SCARB1: variants seen among roughly 807,000 people sequenced by gnomAD.
The protein encoded by SCARB1 is scavenger receptor class B member 1.
SCARB1 carries 30 observed loss-of-function variants against 57.2 expected under a neutral mutation model. That is an observed-to-expected ratio of 0.52 (90% CI 0.39 to 0.71). The LOEUF is 0.71. Ranked by LOEUF, SCARB1 falls within the 30% of genes least tolerant of loss-of-function variation. The pLI, the probability that SCARB1 is intolerant of heterozygous loss-of-function variation, is 0.00. For missense variants in SCARB1, 543 were observed against 671.2 expected, an observed-to-expected ratio of 0.81 and a Z score of 2.11; for synonymous variants, 249 against 268.3, an observed-to-expected ratio of 0.93 and a Z score of 0.70.
intron 1 of SCARB1, among the ~76,000 whole-genome samples, chr12:124,852,554 C>A (rs977622546): frequency 6.6e-6 from 1 of 152,248 alleles, no homozygotes; most frequent in Non-Finnish European, 1.5e-5. Flanking sequence ...AGGACCCCCA[C>A]TGGGGCCTCT....
chr12:124,807,206 AAAT>A lies in SCARB1; in HGVS notation c.1009+552_1009+554del, dbSNP rs1950352953. Among the ~76,000 whole-genome samples the A allele has an allele frequency of 1.3e-5, 2 of 152,278 alleles. No individual in the cohort carries two copies. The highest frequency in any genetic ancestry group is 1.3e-4 in the Admixed American group (2 of 15,284). Reference sequence around the variant, plus strand: ...ACAGAGTGAGAGTCTGTCTCAAAAAAAATAATAATAAACAAGATGGGGAGATTG... The same window carrying A: ...ACAGAGTGAGAGTCTGTCTCAAAAAAAATAATAAACAAGATGGGGAGATTG... On this transcript the variant is annotated intron_variant, in intron 7 of 12. Coordinates refer to ENST00000261693, the MANE Select transcript of SCARB1 (RefSeq NM_005505.5). This position sits in a 1 kb window ranked among gnomAD's most constrained non-coding sequence, Gnocchi z 5.3.
In SCARB1 at chr12:124,810,529, T is replaced by G. The variant is rs60910935; in HGVS notation, c.727-240A>C. ...GGACTCAGTTCTTTCATCTGCAAAA[T>G]AGGCCTATCACCCACATTTCCAGCC... On this transcript the variant is annotated intron_variant, in intron 5 of 12. Coordinates refer to ENST00000261693, the MANE Select transcript of SCARB1 (RefSeq NM_005505.5). This position sits in a 1 kb window ranked among gnomAD's most constrained non-coding sequence, Gnocchi z 4.0. 2.6e-5 allele frequency among the ~76,000 whole-genome samples: 4 copies of G among 152,214 alleles called. No homozygotes were observed. The highest frequency in any genetic ancestry group is 6.5e-5 in the Admixed American group (1 of 15,286).
intron 1 of SCARB1, among the ~76,000 whole-genome samples, chr12:124,820,452 C>T (rs1435377121): frequency 6.6e-6 from 1 of 151,978 alleles, no homozygotes; most frequent in Non-Finnish European, 1.5e-5. Flanking sequence ...GTAACGCCCT[C>T]CCCACCCCAT....
chr12:124,798,668 C>T (rs4765609), intron 8 of SCARB1, among the ~76,000 whole-genome samples: 2,218 of 151,146 alleles, frequency 0.015, 24 homozygotes, highest in Admixed American at 0.024. Flanking sequence ...CGTGGCAAAA[C>T]CCTGTGTCTA....
rs190434822 is a variant in SCARB1, at chr12:124,806,571, C to T, written c.1009+1190G>A. 1.9e-3 allele frequency among the ~76,000 whole-genome samples: 285 copies of T among 152,256 alleles called. 1 individual carries two copies. The highest frequency in any genetic ancestry group is 5.8e-3 in the African/African-American group (242 of 41,542). ...TATGTCAGGTCACAGGGTAAACGGG[C>T]GCTGGGCCTGCTCAGCAGCTGCCTT... On this transcript the variant is annotated intron_variant, in intron 7 of 12. Coordinates refer to ENST00000261693, the MANE Select transcript of SCARB1 (RefSeq NM_005505.5).
intron 1 of SCARB1, among the ~76,000 whole-genome samples, chr12:124,830,107 T>A (rs1951327904): frequency 6.6e-6 from 1 of 152,146 alleles, no homozygotes; most frequent in Non-Finnish European, 1.5e-5. Context: ...CAGCCCTGGG[T>A]GGCTTAGTCA....
In SCARB1 at chr12:124,778,292, C is replaced by A. The variant is rs972475271; in HGVS notation, c.*295G>T. On this transcript the variant is annotated 3_prime_UTR_variant, in exon 13 of 13. Coordinates refer to ENST00000261693, the MANE Select transcript of SCARB1 (RefSeq NM_005505.5). ...AGGACCCACAGCCCCTGTGGTCAGG[C>A]CTGTGGGCCACGTGGAGAGAAGGTT... 1.4e-5 allele frequency: 8 copies of A among 576,548 alleles called. No individual in the cohort carries two copies. In the Admixed American group the frequency reaches 3.5e-4, roughly 25 times the overall value. The allele number at this position is 576,548 out of a possible 1,614,324, so 35.7% of individuals were successfully genotyped here.
At chr12:124,825,265 CCACTT>C (rs1157570158) in intron 1 of SCARB1, among the ~76,000 whole-genome samples, 3 of 151,634 alleles carry the variant, frequency 2.0e-5, no homozygotes, top group Non-Finnish European at 4.4e-5. Flanking sequence ...CCCACCCACC[CCACTT>C]ATTTCACAAC....
At chr12:124,785,910 T>C in intron 11 of SCARB1, 2 of 699,446 alleles carry the variant, frequency 2.9e-6, no homozygotes, top group Non-Finnish European at 4.6e-6. Context: ...AGTGAAATTA[T>C]CTTTTCTGCT....
At position 124,778,369 on chromosome 12, in the gene SCARB1, G is replaced by T. The variant is rs1872708156; in HGVS notation, c.*218C>A. ...CTCCCTACAAGTCCCTTCAGCAGCA[G>T]CTCCATCCCTGAGTGTCTGCACAAG... On this transcript the variant is annotated 3_prime_UTR_variant, in exon 13 of 13. Coordinates refer to ENST00000261693, the MANE Select transcript of SCARB1 (RefSeq NM_005505.5). The T allele has an allele frequency of 1.7e-6, 2 of 1,159,816 alleles. No individual in the cohort carries two copies. Among genetic ancestry groups the T allele is most frequent in the Non-Finnish European group, 2.2e-6 (2 of 916,760 alleles). The allele number at this position is 1,159,816 out of a possible 1,614,324, so 71.8% of individuals were successfully genotyped here.
At chr12:124,819,894 G>A (rs1207736731) in intron 1 of SCARB1, among the ~76,000 whole-genome samples, 1 of 152,236 alleles carries the variant, frequency 6.6e-6, no homozygotes, top group Non-Finnish European at 1.5e-5. Flanking sequence ...TTTCTCATCT[G>A]TACGAAGGAG....
chr12:124,786,384 G>A lies in SCARB1; in HGVS notation c.1374C>T (p.Val458=). The A allele has an allele frequency of 6.2e-7, 1 of 1,614,120 alleles. No individual in the cohort carries two copies. Among genetic ancestry groups the A allele is most frequent in the Non-Finnish European group, 8.5e-7 (1 of 1,180,050 alleles). Residue 458 remains valine, a synonymous_variant, in exon 11 of 13, where the codon GTC becomes GTT. Transcript: ENST00000261693. Reference sequence around the variant, plus strand: ...GGCTCCGGATTTGGCAGATGACAGGGACCAGCAGCAGGACGCAGCCCAGCG... The same window carrying A: ...GGCTCCGGATTTGGCAGATGACAGGAACCAGCAGCAGGACGCAGCCCAGCG... ...LLALGCVLLL[V]PVICQIRSQE... is the part of the protein sequence containing the mutation.
chr12:124,854,137 G>A (rs140191975), intron 1 of SCARB1, among the ~76,000 whole-genome samples: 18 of 152,330 alleles, frequency 1.2e-4, no homozygotes, highest in Non-Finnish European at 1.9e-4. Flanking sequence ...TAAGCAGAGC[G>A]GGTAAGGAGG....
At chr12:124,847,354 C>T (rs548949337) in intron 1 of SCARB1, among the ~76,000 whole-genome samples, 27 of 152,364 alleles carry the variant, frequency 1.8e-4, no homozygotes, top group African/African-American at 6.5e-4. Context: ...GTTTGACCTC[C>T]ACCTGCCTGC....
At position 124,841,846 on chromosome 12, in the gene SCARB1, C is replaced by T. The variant is rs574084595; in HGVS notation, c.126+21749G>A. Among the ~76,000 whole-genome samples, 6 of 152,320 alleles carry T rather than the reference C, an allele frequency of 3.9e-5. No individual in the cohort carries two copies. In the East Asian group the frequency reaches 1.2e-3, roughly 29 times the overall value. ...GTCCCCTTCCTAGCTCTTCTCGCCA[C>T]CCCACCTCTTCCATGTGCTTCTCCA... On this transcript the variant is annotated intron_variant, in intron 1 of 12. Coordinates refer to ENST00000261693, the MANE Select transcript of SCARB1 (RefSeq NM_005505.5).
chr12:124,817,550 C>CTGTACACG lies in SCARB1; in HGVS notation c.276_283dup (p.Arg95ThrfsTer55). On this transcript the variant is annotated frameshift_variant and splice_region_variant, in exon 2 of 13. Coordinates refer to ENST00000261693, the MANE Select transcript of SCARB1 (RefSeq NM_005505.5). LOFTEE classifies it high-confidence loss of function. This position sits in a 1 kb window ranked among gnomAD's most constrained non-coding sequence, Gnocchi z 4.8. ...CACCCTCACCTGGACACAGCCTCAC[C>CTGTACACG]TGTACACGTAGGGCCCGCGCTCCCG... 1 of 1,613,840 alleles carries CTGTACACG rather than the reference C, an allele frequency of 6.2e-7. No homozygotes were observed. Among genetic ancestry groups the CTGTACACG allele is most frequent in the South Asian group, 1.1e-5 (1 of 91,080 alleles).
chr12:124,854,824 G>A (rs773683204), intron 1 of SCARB1, among the ~76,000 whole-genome samples: 8 of 152,068 alleles, frequency 5.3e-5, no homozygotes, highest in Non-Finnish European at 1.0e-4. Context: ...CGGGGCGAGC[G>A]TGAGCTGCCT....
At position 124,786,486 on chromosome 12, in the gene SCARB1, C is replaced by T; in HGVS notation, c.1272G>A (p.Gly424=). The T allele has an allele frequency of 6.2e-7, 1 of 1,614,078 alleles. No individual in the cohort carries two copies. Among genetic ancestry groups the T allele is most frequent in the South Asian group, 1.1e-5 (1 of 91,084 alleles). ...LWFAESGAME[G]ETLHTFYTQL... is the part of the protein sequence containing the mutation. ...GAGTGTAGAATGTGTGAAGAGTCTC[C>T]CCCTCCATGGCCCCGCTCTGAGGAG... Residue 424 remains glycine, a synonymous_variant, in exon 11 of 13, where the codon GGG becomes GGA. Coordinates refer to ENST00000261693, the MANE Select transcript of SCARB1 (RefSeq NM_005505.5).
rs981456708 is a variant in SCARB1 at position 124,863,735 on chromosome 12, G to C, written c.-15C>G. On this transcript the variant is annotated 5_prime_UTR_variant, in exon 1 of 13. Transcript: ENST00000261693. ...GAGCAGCCCATGTCTGCGCGCCTGGGGCCCACCCGCGGCTCGCAGGGCTCC... is the reference window on the plus strand; with the variant it reads ...GAGCAGCCCATGTCTGCGCGCCTGGCGCCCACCCGCGGCTCGCAGGGCTCC... 2.8e-6 allele frequency: 4 copies of C among 1,452,830 alleles called. No homozygotes were observed. Among genetic ancestry groups the C allele is most frequent in the Non-Finnish European group, 2.7e-6 (3 of 1,101,470 alleles). The allele number at this position is 1,452,830 out of a possible 1,614,324, so 90.0% of individuals were successfully genotyped here.
Sources: allele counts gnomAD v4.1 joint callset (sites outside exome capture counted in the v4.1 genomes callset), GRCh38; gene constraint gnomAD v4.1.1; non-coding constraint Gnocchi (gnomAD v3.1); transcripts MANE v1.5; gene names NCBI Gene and HGNC (gene_info 2026-07-23, HGNC 2026-07-21).